BMP2K: variants seen among roughly 807,000 people sequenced by gnomAD.
BMP2K encodes the protein BMP2 inducible kinase.
Under a neutral mutation model 116.0 loss-of-function variants are expected in BMP2K, and 74 were observed. The observed-to-expected ratio is 0.64, with a 90% CI of 0.53 to 0.77. The LOEUF (loss-of-function observed/expected upper bound fraction) is 0.77. Among genes scored for constraint, BMP2K ranks in the 30% least tolerant of loss-of-function variants. BMP2K has a pLI of 0.00. For synonymous variants in BMP2K, 486 were observed against 502.5 expected, an observed-to-expected ratio of 0.97 and a Z score of 0.44; for missense variants, 1,365 against 1,403.6, an observed-to-expected ratio of 0.97 and a Z score of 0.44.
At chr4:78,846,465 T>G (rs114136379) in intron 5 of BMP2K, among the ~76,000 whole-genome samples, 10 of 151,826 alleles carry the variant, frequency 6.6e-5, no homozygotes, top group Non-Finnish European at 1.3e-4. Flanking sequence ...AATCCAAATC[T>G]TAAATTATGC....
At position 78,910,737 on chromosome 4, in the gene BMP2K, G is replaced by A. The variant is rs1334477067; in HGVS notation, c.2190G>A (p.Gln730=). The part of the protein sequence containing the change: ...DQRTGKKTSV[Q]GQVQKGNDES... ...GGACTGGAAAGAAAACCTCAGTACAGGGTCAAGTGCAAAAGGGGAATGATG... is the reference window on the plus strand; with the variant it reads ...GGACTGGAAAGAAAACCTCAGTACAAGGTCAAGTGCAAAAGGGGAATGATG... Residue 730 remains glutamine, a synonymous_variant, in exon 16 of 16, where the codon CAG becomes CAA. Coordinates refer to ENST00000502613, the MANE Select transcript of BMP2K (RefSeq NM_198892.2). 1 of 1,613,746 alleles carries A rather than the reference G, an allele frequency of 6.2e-7. No homozygotes were observed. The highest frequency in any genetic ancestry group is 1.3e-5 in the African/African-American group (1 of 74,914).
chr4:78,811,501 A>T (rs941776418), intron 1 of BMP2K, among the ~76,000 whole-genome samples: 2 of 152,246 alleles, frequency 1.3e-5, no homozygotes, highest in African/African-American at 2.4e-5. Context: ...ATGCATATGC[A>T]GGTAAGACCA....
At chr4:78,789,550 G>A (rs1560500111) in intron 1 of BMP2K, among the ~76,000 whole-genome samples, 2 of 152,136 alleles carry the variant, frequency 1.3e-5, no homozygotes, top group Non-Finnish European at 2.9e-5. Context: ...TGCATGGGGA[G>A]TATGAGGTGG....
chr4:78,827,886 A>G (rs1195116615), intron 2 of BMP2K, among the ~76,000 whole-genome samples: 3 of 152,230 alleles, frequency 2.0e-5, no homozygotes, highest in African/African-American at 7.2e-5. Flanking sequence ...TTCACTTTGG[A>G]ACTGTCGTCT....
At position 78,915,610 on chromosome 4, in the gene BMP2K, G is replaced by A. The variant is rs1485789600; in HGVS notation, c.*3577G>A. The stretch of plus-strand genomic sequence containing the variant: ...TTTGAGAACTTTTATACTCAGTGGT[G>A]TTTTATATATTAAGATAAAAATATG... On this transcript the variant is annotated 3_prime_UTR_variant, in exon 16 of 16. Coordinates refer to ENST00000502613, the MANE Select transcript of BMP2K (RefSeq NM_198892.2). The A allele has an allele frequency of 1.3e-5, 2 of 151,752 alleles. No individual in the cohort carries two copies. The highest frequency in any genetic ancestry group is 2.9e-5 in the Non-Finnish European group (2 of 67,846). The allele number at this position is 151,752 out of a possible 1,614,324, so 9.4% of individuals were successfully genotyped here.
intron 2 of BMP2K, among the ~76,000 whole-genome samples, chr4:78,829,741 G>T (rs968041026): frequency 2.8e-5 from 4 of 143,158 alleles, no homozygotes; most frequent in Non-Finnish European, 6.1e-5. Flanking sequence ...TGTGTTAGCA[G>T]GCATGGAAAC....
intron 3 of BMP2K, among the ~76,000 whole-genome samples, chr4:78,839,540 T>A (rs1560523530): frequency 6.6e-6 from 1 of 152,156 alleles, no homozygotes; most frequent in Admixed American, 6.5e-5. Context: ...AATAATGCAA[T>A]CTACTACAGA....
chr4:78,791,029 T>G (rs1027835250), intron 1 of BMP2K, among the ~76,000 whole-genome samples: 1 of 152,234 alleles, frequency 6.6e-6, no homozygotes, highest in African/African-American at 2.4e-5. Flanking sequence ...GATTTTTCTC[T>G]TATTTTTACT....
At chr4:78,807,456 C>T (rs1157195561) in intron 1 of BMP2K, among the ~76,000 whole-genome samples, 1 of 151,614 alleles carries the variant, frequency 6.6e-6, no homozygotes, top group Non-Finnish European at 1.5e-5. Context: ...ACGTTTCCTT[C>T]TCTTCTATTT....
At position 78,819,870 on chromosome 4, in the gene BMP2K, T is replaced by A. The variant is rs554135402; in HGVS notation, c.179-6167T>A. ...CTCCAACCCCCATAATATTCATTGTTAATATAAAGGACAAAATCCTTTCAT... is the reference window on the plus strand; with the variant it reads ...CTCCAACCCCCATAATATTCATTGTAAATATAAAGGACAAAATCCTTTCAT... On this transcript the variant is annotated intron_variant, in intron 1 of 15. Transcript: ENST00000502613. Among the ~76,000 whole-genome samples, 17 of 152,328 alleles carry A rather than the reference T, an allele frequency of 1.1e-4. No homozygotes were observed. In the South Asian group the frequency reaches 3.5e-3, roughly 32 times the overall value.
intron 15 of BMP2K, among the ~76,000 whole-genome samples, chr4:78,898,656 T>G (rs1189266101): frequency 1.4e-5 from 2 of 145,466 alleles, no homozygotes; most frequent in African/African-American, 5.1e-5. Flanking sequence ...AGACTCCATC[T>G]CAAAAAAAAA....
chr4:78,842,638 T>A, intron 4 of BMP2K, 111 bp downstream of exon 4: 1 of 931,254 alleles, frequency 1.1e-6, no homozygotes, highest in Non-Finnish European at 1.5e-6. Flanking sequence ...GGTCTCTCTC[T>A]CCCCTTCTAC....
intron 9 of BMP2K, among the ~76,000 whole-genome samples, chr4:78,862,261 A>G (rs1175184652): frequency 1.3e-5 from 2 of 152,138 alleles, no homozygotes; most frequent in African/African-American, 4.8e-5. Flanking sequence ...TTTATTTCCA[A>G]GGAGTTCACG....
chr4:78,902,277 CATT>C (rs1448669511), intron 15 of BMP2K, among the ~76,000 whole-genome samples: 2 of 152,166 alleles, frequency 1.3e-5, no homozygotes, highest in African/African-American at 4.8e-5. Context: ...CAAAACAAAG[CATT>C]AACCTATTTT....
chr4:78,887,027 A>G lies in BMP2K; in HGVS notation c.1952-147A>G, dbSNP rs1013516301. Reference sequence around the variant, plus strand: ...ATTAAATTCAGGACTACTCCCTAATACTTACAGTGATAGATTCTGAACCTA... The same window carrying G: ...ATTAAATTCAGGACTACTCCCTAATGCTTACAGTGATAGATTCTGAACCTA... On this transcript the variant is annotated intron_variant, in intron 14 of 15. Transcript: ENST00000502613. The G allele has an allele frequency of 2.5e-5, 15 of 596,954 alleles. No individual in the cohort carries two copies. In the African/African-American group the frequency reaches 2.6e-4, roughly 10 times the overall value. 37.0% of individuals were successfully genotyped at this position (596,954 alleles called of 1,614,324 possible).
chr4:78,793,490 C>T (rs1218743613), intron 1 of BMP2K, among the ~76,000 whole-genome samples: 1 of 151,032 alleles, frequency 6.6e-6, no homozygotes, highest in Non-Finnish European at 1.5e-5. Context: ...TAAAAATTTT[C>T]AGATTTAATT....
chr4:78,795,513 G>A (rs1232001792), intron 1 of BMP2K, among the ~76,000 whole-genome samples: 1 of 152,082 alleles, frequency 6.6e-6, no homozygotes, highest in African/African-American at 2.4e-5. Flanking sequence ...AAAAGCAATG[G>A]CAACAAAAGA....
chr4:78,844,109 A>T (rs1407429802), intron 4 of BMP2K, among the ~76,000 whole-genome samples: 1 of 151,892 alleles, frequency 6.6e-6, no homozygotes, highest in Non-Finnish European at 1.5e-5. Context: ...AAAAACATGT[A>T]ATAGTAATTT....
At chr4:78,806,232 C>T (rs1225399492) in intron 1 of BMP2K, among the ~76,000 whole-genome samples, 1 of 151,884 alleles carries the variant, frequency 6.6e-6, no homozygotes, top group African/African-American at 2.4e-5. Flanking sequence ...TACTGTGTTG[C>T]CCAGGCTGAA....
Sources: allele counts gnomAD v4.1 joint callset (sites outside exome capture counted in the v4.1 genomes callset), GRCh38; gene constraint gnomAD v4.1.1; transcripts MANE v1.5; gene names NCBI Gene and HGNC (gene_info 2026-07-23, HGNC 2026-07-21).